Variants in VPS33A observed in about 807,000 individuals in gnomAD.
VPS33A encodes VPS33A core subunit of CORVET and HOPS complexes.
Under a neutral mutation model 71.8 loss-of-function variants are expected in VPS33A, and 32 were observed. The observed-to-expected ratio is 0.45, with a 90% CI of 0.34 to 0.60. The LOEUF (loss-of-function observed/expected upper bound fraction) is 0.60. VPS33A is among the 20% of genes least tolerant of loss of function. The pLI is 0.02. For missense variants in VPS33A, 625 were observed against 748.5 expected (o/e 0.84, Z 1.92); for synonymous variants, 311 against 292.7 (o/e 1.06, Z -0.64).
At chr12:122,237,025 T>C (rs1176158939) in intron 10 of VPS33A, among the ~76,000 whole-genome samples, 1 of 152,150 alleles carries the variant, frequency 6.6e-6, no homozygotes, top group Non-Finnish European at 1.5e-5. Flanking sequence ...ATTATTTGAC[T>C]CTTACACAAG....
At chr12:122,261,556 G>C (rs990109610) in intron 3 of VPS33A, 109 bp from the exon 4 acceptor site, 9 of 1,032,288 alleles carry the variant, frequency 8.7e-6, no homozygotes, top group Non-Finnish European at 1.3e-5. Context: ...ATAAATGCTG[G>C]CTAGATAAAT....
intron 4 of VPS33A, among the ~76,000 whole-genome samples, chr12:122,256,281 G>A (rs1199974208): frequency 6.6e-6 from 1 of 151,832 alleles, no homozygotes; most frequent in Non-Finnish European, 1.5e-5. Context: ...TTATTGGTAA[G>A]AAGAAAAAAA....
intron 4 of VPS33A, among the ~76,000 whole-genome samples, chr12:122,256,523 G>A (rs1026077880): frequency 2.6e-5 from 4 of 151,866 alleles, no homozygotes; most frequent in East Asian, 1.9e-4. Flanking sequence ...GCGGTGAGAC[G>A]AGATTGTGCC....
At chr12:122,262,462 TCTCCTTGA>T (rs1955008502) in intron 3 of VPS33A, among the ~76,000 whole-genome samples, 1 of 152,146 alleles carries the variant, frequency 6.6e-6, no homozygotes, top group South Asian at 2.1e-4. Context: ...CCACTCCTAC[TCTCCTTGA>T]CAGAGAACTT....
chr12:122,242,275 CAG>C, intron 8 of VPS33A, 105 bp downstream of exon 8: 2 of 1,370,570 alleles, frequency 1.5e-6, no homozygotes, highest in Non-Finnish European at 1.0e-6. Context: ...GGTATTAAGA[CAG>C]AGCTGACTCT....
chr12:122,259,842 A>T (rs1165530779), intron 4 of VPS33A, among the ~76,000 whole-genome samples: 1 of 151,860 alleles, frequency 6.6e-6, no homozygotes, highest in Non-Finnish European at 1.5e-5. Flanking sequence ...ACATAATAAG[A>T]CGCTGTCTCT....
At chr12:122,254,968 T>G (rs1229452591) in intron 4 of VPS33A, among the ~76,000 whole-genome samples, 1 of 151,382 alleles carries the variant, frequency 6.6e-6, no homozygotes, top group Non-Finnish European at 1.5e-5. Context: ...GGAGAATCAC[T>G]TGAACCCAGG....
chr12:122,256,657 C>T (rs1954923348), intron 4 of VPS33A, among the ~76,000 whole-genome samples: 1 of 150,990 alleles, frequency 6.6e-6, no homozygotes, highest in Non-Finnish European at 1.5e-5. Flanking sequence ...ACTCATAAAT[C>T]AAAGAAACAT....
At chr12:122,254,906 G>A (rs1954895791) in intron 4 of VPS33A, among the ~76,000 whole-genome samples, 1 of 152,132 alleles carries the variant, frequency 6.6e-6, no homozygotes, top group African/African-American at 2.4e-5. Context: ...CAAAAAATTA[G>A]CCAGTGTGGT....
intron 12 of VPS33A, 27 bp from the exon 13 acceptor site, chr12:122,232,454 A>G (rs1471997991): frequency 2.5e-6 from 4 of 1,591,502 alleles, no homozygotes; most frequent in Non-Finnish European, 3.4e-6. Context: ...TCAGAATTAA[A>G]AACTATTTAT....
rs762858117 is a variant in VPS33A at position 122,232,891 on chromosome 12, A to G, written c.1518T>C (p.Pro506=). Residue 506 remains proline (P), a synonymous_variant, in exon 12 of 13, where the codon CCT becomes CCC. Coordinates refer to ENST00000267199, the MANE Select transcript of VPS33A (RefSeq NM_022916.6). Reference sequence around the variant, plus strand: ...GGACCTCCTCGATGCTCCGCCAGCCAGGCCGGGAAAGCAGCTGGGCCAGCC... The same window carrying G: ...GGACCTCCTCGATGCTCCGCCAGCCGGGCCGGGAAAGCAGCTGGGCCAGCC... ...SVRLAQLLSR[P]GWRSIEEVLR... 1 of 1,614,028 alleles carries G rather than the reference A, an allele frequency of 6.2e-7. No individual in the cohort carries two copies. Among genetic ancestry groups the G allele is most frequent in the East Asian group, 2.2e-5 (1 of 44,888 alleles).
intron 11 of VPS33A, among the ~76,000 whole-genome samples, chr12:122,235,039 G>A (rs1178425300): frequency 6.6e-6 from 1 of 151,974 alleles, no homozygotes; most frequent in Non-Finnish European, 1.5e-5. Context: ...CTGGAGTGCA[G>A]TGGCACAAAC....
intron 5 of VPS33A, 145 bp downstream of exon 5, chr12:122,250,838 A>G (rs1038430073): frequency 1.5e-6 from 1 of 671,646 alleles, no homozygotes; most frequent in African/African-American, 1.8e-5. Context: ...TTATAAGTGC[A>G]TTTTAATCAG....
Position 122,263,571 on chromosome 12 carries a change from C to T in VPS33A, c.296+1G>A. 1 of 1,600,684 alleles carries T rather than the reference C, an allele frequency of 6.2e-7. No homozygotes were observed. The highest frequency in any genetic ancestry group is 8.5e-7 in the Non-Finnish European group (1 of 1,172,464). ...TGGATCAAACACAAGCTCTGAGATA[C>T]CTGAGCACGTTTTCAGCGATTATAT... On this transcript the variant is annotated splice_donor_variant, in intron 3 of 12. Transcript: ENST00000267199. LOFTEE classifies it high-confidence loss of function.
At chr12:122,263,300 T>C (rs1955022893) in intron 3 of VPS33A, among the ~76,000 whole-genome samples, 1 of 152,180 alleles carries the variant, frequency 6.6e-6, no homozygotes, top group African/African-American at 2.4e-5. Context: ...GTCTCACTTT[T>C]TAAGTTTAAA....
chr12:122,245,443 G>GTTTT (rs757738399), intron 6 of VPS33A, among the ~76,000 whole-genome samples: 1 of 133,220 alleles, frequency 7.5e-6, no homozygotes. Context: ...TTCACGTTCT[G>GTTTT]TTTTTTTTTT....
intron 4 of VPS33A, among the ~76,000 whole-genome samples, chr12:122,254,729 A>T (rs2136143426): frequency 6.6e-6 from 1 of 152,282 alleles, no homozygotes; most frequent in South Asian, 2.1e-4. Context: ...AGGTGAATAT[A>T]CAAAGCCAAA....
At chr12:122,265,647 C>A in intron 1 of VPS33A, 1 of 425,456 alleles carries the variant, frequency 2.4e-6, no homozygotes, top group Non-Finnish European at 4.9e-6. Flanking sequence ...TCTTGGGGTT[C>A]TGTTCTCTAC....
chr12:122,232,112 A>G lies in VPS33A; in HGVS notation c.*134T>C, dbSNP rs771654527. The G allele has an allele frequency of 6.0e-6, 5 of 836,608 alleles. No homozygotes were observed. The South Asian group carries it at 1.0e-4, about 17-fold the overall frequency. The allele number at this position is 836,608 out of a possible 1,614,324, so 51.8% of individuals were successfully genotyped here. ...GACGGAGAAAGCAGTAAACAGTAGT[A>G]TAATTTAAGAAGCTGACCCCAGAAT... On this transcript the variant is annotated 3_prime_UTR_variant, in exon 13 of 13. Transcript: ENST00000267199.
Sources: gnomAD v4.1 joint callset for allele counts (sites outside exome capture counted in the v4.1 genomes callset) on GRCh38, gnomAD v4.1.1 for gene constraint, MANE v1.5 for transcripts, NCBI Gene and HGNC (gene_info 2026-07-23, HGNC 2026-07-21) for gene names.